CCSER1: variants seen among roughly 807,000 people sequenced by gnomAD.
CCSER1 encodes the protein coiled-coil serine rich protein 1, also known as serine-rich coiled-coil domain-containing protein 1.
Under a neutral mutation model 82.0 loss-of-function variants are expected in CCSER1, and 41 were observed. The ratio of observed to expected loss-of-function variants is 0.50; its 90% CI spans 0.39 to 0.65. CCSER1 has a LOEUF of 0.65. CCSER1 is among the 30% of genes least tolerant of loss of function. The pLI, the probability that CCSER1 is intolerant of heterozygous loss-of-function variation, is 0.00. For missense variants in CCSER1, 1,119 were observed against 1,064.2 expected (o/e 1.05, Z -0.72); for synonymous variants, 414 against 383.9 (o/e 1.08, Z -0.92).
intron 5 of CCSER1, among the ~76,000 whole-genome samples, chr4:90,509,630 T>G (rs748936557): frequency 7.2e-5 from 11 of 152,166 alleles, no homozygotes; most frequent in Non-Finnish European, 1.5e-4. Flanking sequence ...TTCTGCCTTC[T>G]TCCTGTCAGC....
intron 1 of CCSER1, among the ~76,000 whole-genome samples, chr4:90,287,067 T>C (rs1302802275): frequency 6.6e-6 from 1 of 151,948 alleles, no homozygotes; most frequent in South Asian, 2.1e-4. Context: ...AATGAGTTTT[T>C]AGGTTTTATG....
chr4:90,481,544 A>G (rs1394735127), intron 5 of CCSER1, among the ~76,000 whole-genome samples: 1 of 152,218 alleles, frequency 6.6e-6, no homozygotes, highest in Non-Finnish European at 1.5e-5. Context: ...GATATGTCCC[A>G]TCAATACTTA....
chr4:90,969,713 G>A (rs1581230498), intron 9 of CCSER1, among the ~76,000 whole-genome samples: 2 of 151,996 alleles, frequency 1.3e-5, no homozygotes, highest in South Asian at 4.2e-4. Context: ...TATGCTGTTT[G>A]GTAAGAGGAA....
intron 6 of CCSER1, among the ~76,000 whole-genome samples, chr4:90,631,892 A>C (rs1724511259): frequency 6.6e-6 from 1 of 152,208 alleles, no homozygotes; most frequent in Non-Finnish European, 1.5e-5. Context: ...TCTATAAAGT[A>C]TATATGAAAC....
intron 10 of CCSER1, among the ~76,000 whole-genome samples, chr4:91,124,710 T>C (rs577853723): frequency 2.0e-5 from 3 of 151,936 alleles, no homozygotes; most frequent in East Asian, 1.9e-4. Context: ...CCTAGAACAA[T>C]GTTTGCTATA....
At chr4:90,335,251 T>A (rs1454689366) in intron 3 of CCSER1, among the ~76,000 whole-genome samples, 1 of 152,222 alleles carries the variant, frequency 6.6e-6, no homozygotes, top group African/African-American at 2.4e-5. Context: ...TAATTAGGTA[T>A]CATATAGGCT....
chr4:90,891,888 T>G (rs1028405826), intron 8 of CCSER1, among the ~76,000 whole-genome samples: 1 of 152,094 alleles, frequency 6.6e-6, no homozygotes, highest in African/African-American at 2.4e-5. Flanking sequence ...GACAGTTCCT[T>G]AAAGAACTTA....
At chr4:90,139,138 C>A (rs1250352545) in intron 1 of CCSER1, among the ~76,000 whole-genome samples, 1 of 152,132 alleles carries the variant, frequency 6.6e-6, no homozygotes, top group African/African-American at 2.4e-5. Flanking sequence ...CAACCTGCCT[C>A]CTCACATCAT....
At chr4:91,411,619 G>T (rs1479436659) in intron 10 of CCSER1, among the ~76,000 whole-genome samples, 1 of 147,312 alleles carries the variant, frequency 6.8e-6, no homozygotes, top group Non-Finnish European at 1.5e-5. Flanking sequence ...CACCTGTATG[G>T]TGTTTATTTT....
rs142868597 is a variant in CCSER1, at chr4:91,050,316, C to T, written c.2173-35634C>T. Among the ~76,000 whole-genome samples, 1,381 of 151,532 alleles carry T rather than the reference C, an allele frequency of 9.1e-3. 16 individuals carry two copies. The highest frequency in any genetic ancestry group is 0.032 in the African/African-American group (1,319 of 41,296). Reference sequence around the variant, plus strand: ...CATGGTGGCAGATGCCTGTAATCCCCGCTACTTGGGAGGCTGGGGCAGGAG... The same window carrying T: ...CATGGTGGCAGATGCCTGTAATCCCTGCTACTTGGGAGGCTGGGGCAGGAG... On this transcript the variant is annotated intron_variant, in intron 9 of 10. Coordinates refer to ENST00000509176, the MANE Select transcript of CCSER1 (RefSeq NM_001145065.2).
chr4:90,143,077 A>G (rs1413921825), intron 1 of CCSER1, among the ~76,000 whole-genome samples: 2 of 152,168 alleles, frequency 1.3e-5, no homozygotes, highest in Non-Finnish European at 2.9e-5. Context: ...TTTTTTGTAC[A>G]TTGGGCTTTC....
chr4:90,312,677 A>T (rs1735509381), intron 2 of CCSER1, among the ~76,000 whole-genome samples, 186 bp from the exon 3 acceptor site: 1 of 152,204 alleles, frequency 6.6e-6, no homozygotes. Flanking sequence ...GATGACTCCA[A>T]ACGTTTTGGG....
intron 6 of CCSER1, among the ~76,000 whole-genome samples, chr4:90,687,462 A>G (rs1040575332): frequency 6.6e-5 from 10 of 151,908 alleles, no homozygotes; most frequent in East Asian, 1.9e-4. Flanking sequence ...TTTTCACCCA[A>G]TGAAAATTGC....
At chr4:90,819,570 T>A (rs1213091452) in intron 8 of CCSER1, among the ~76,000 whole-genome samples, 2 of 152,234 alleles carry the variant, frequency 1.3e-5, no homozygotes, top group African/African-American at 4.8e-5. Flanking sequence ...ATAAAGACAC[T>A]GAGAAACTGA....
chr4:90,715,289 A>C (rs1741431594), intron 6 of CCSER1, among the ~76,000 whole-genome samples: 1 of 151,986 alleles, frequency 6.6e-6, no homozygotes, highest in Non-Finnish European at 1.5e-5. Context: ...CCCTATGTGA[A>C]TTGATGTAGT....
intron 6 of CCSER1, among the ~76,000 whole-genome samples, chr4:90,662,769 C>T (rs980332216): frequency 6.6e-6 from 1 of 152,106 alleles, no homozygotes; most frequent in African/African-American, 2.4e-5. Context: ...TAAGTTTTTT[C>T]ATTACGCTCT....
intron 5 of CCSER1, among the ~76,000 whole-genome samples, chr4:90,485,408 G>C (rs568259773): frequency 6.6e-6 from 1 of 151,988 alleles, no homozygotes; most frequent in Non-Finnish European, 1.5e-5. Flanking sequence ...GCACTCCCCC[G>C]TGAGATGAAC....
intron 10 of CCSER1, among the ~76,000 whole-genome samples, chr4:91,361,590 T>C (rs193022214): frequency 6.6e-6 from 1 of 151,892 alleles, no homozygotes; most frequent in Admixed American, 6.6e-5. Context: ...AGTCAATATG[T>C]TTCCATTGGG....
intron 10 of CCSER1, among the ~76,000 whole-genome samples, chr4:91,573,956 G>T (rs1448184846): frequency 6.6e-6 from 1 of 152,002 alleles, no homozygotes. Flanking sequence ...TTTAACCAAG[G>T]AGGTGAAAGA....
Sources: allele counts gnomAD v4.1 joint callset (sites outside exome capture counted in the v4.1 genomes callset), GRCh38; gene constraint gnomAD v4.1.1; transcripts MANE v1.5; gene names NCBI Gene and HGNC (gene_info 2026-07-23, HGNC 2026-07-21).